Variants in MYT1L observed in about 807,000 individuals in gnomAD.
MYT1L encodes myelin transcription factor 1-like protein.
MYT1L carries 12 observed loss-of-function variants against 126.7 expected under a neutral mutation model. The observed-to-expected ratio is 0.09, with a 90% confidence interval of 0.06 to 0.15. The LOEUF is 0.15. Ranked by LOEUF, MYT1L falls within the 10% of genes least tolerant of loss-of-function variation. The pLI is 1.00. For missense variants in MYT1L, 979 were observed against 1,585.2 expected (o/e 0.62, Z 6.49); for synonymous variants, 541 against 604.2 (o/e 0.90, Z 1.53).
At chr2:2,029,491 C>T (rs956413135) in intron 4 of MYT1L, among the ~76,000 whole-genome samples, 6 of 152,202 alleles carry the variant, frequency 3.9e-5, no homozygotes, top group African/African-American at 1.4e-4. Context: ...ACCACAAGAA[C>T]AGTATGGGGG....
At chr2:2,071,927 G>A (rs1013655349) in intron 3 of MYT1L, among the ~76,000 whole-genome samples, 15 of 152,158 alleles carry the variant, frequency 9.9e-5, no homozygotes, top group African/African-American at 3.4e-4. Flanking sequence ...AGGGAGAGCA[G>A]ATTTTAGTTT....
At chr2:2,211,225 G>A (rs1476233751) in intron 2 of MYT1L, among the ~76,000 whole-genome samples, 1 of 152,128 alleles carries the variant, frequency 6.6e-6, no homozygotes, top group African/African-American at 2.4e-5. Flanking sequence ...AAATCTGAAA[G>A]TTTTTAAGAG....
intron 21 of MYT1L, among the ~76,000 whole-genome samples, chr2:1,817,387 C>T (rs143451406): frequency 5.3e-5 from 8 of 152,216 alleles, no homozygotes; most frequent in African/African-American, 1.7e-4. Context: ...CGGTTCAGCA[C>T]CGGCTTTGCC....
At chr2:1,981,215 T>G (rs1316618067) in intron 5 of MYT1L, among the ~76,000 whole-genome samples, 1 of 152,202 alleles carries the variant, frequency 6.6e-6, no homozygotes. Context: ...GGATGAGTAT[T>G]ATGGTATCGG....
rs149761011 is a variant in MYT1L at position 2,003,948 on chromosome 2, T to C, written c.-157-6601A>G. On this transcript the variant is annotated intron_variant, in intron 4 of 24. Transcript: ENST00000647738. ...ATGCCTTCTTTCCTGCATGAGTTCT[T>C]TCCTGCATGCGTTCTTTCCTGCAGG... 7.7e-3 allele frequency among the ~76,000 whole-genome samples: 1,158 copies of C among 151,180 alleles called. 18 individuals are homozygous for C. Among genetic ancestry groups the C allele is most frequent in the African/African-American group, 0.026 (1,047 of 40,698 alleles).
intron 23 of MYT1L, among the ~76,000 whole-genome samples, chr2:1,799,082 C>T (rs957230286): frequency 3.3e-5 from 5 of 152,202 alleles, no homozygotes; most frequent in Admixed American, 2.6e-4. Context: ...CAGCGCATTC[C>T]CATCCCTTCT....
chr2:2,271,210 A>G (rs1229365137), intron 2 of MYT1L, among the ~76,000 whole-genome samples: 1 of 152,216 alleles, frequency 6.6e-6, no homozygotes, highest in Non-Finnish European at 1.5e-5. Flanking sequence ...AGTGCCAACA[A>G]CATGGATTTT....
At chr2:1,983,774 C>A (rs1221814783) in intron 5 of MYT1L, among the ~76,000 whole-genome samples, 2 of 152,324 alleles carry the variant, frequency 1.3e-5, no homozygotes, top group East Asian at 3.9e-4. Context: ...ACTTACTGAA[C>A]CCGTGAATGG....
intron 2 of MYT1L, among the ~76,000 whole-genome samples, chr2:2,257,604 C>T (rs2094852797): frequency 6.6e-6 from 1 of 152,078 alleles, no homozygotes; most frequent in African/African-American, 2.4e-5. Context: ...AAGAGAGTAG[C>T]CTCAAGGGTT....
At chr2:1,843,327 A>T (rs536361387) in intron 19 of MYT1L, among the ~76,000 whole-genome samples, 3 of 152,180 alleles carry the variant, frequency 2.0e-5, no homozygotes, top group Admixed American at 6.5e-5. Context: ...CCCAATTCCT[A>T]GCCCGACGCC....
chr2:1,792,847 G>A (rs1191939184), intron 23 of MYT1L, among the ~76,000 whole-genome samples: 1 of 125,164 alleles, frequency 8.0e-6, no homozygotes, highest in African/African-American at 2.9e-5. Context: ...TCCAGCCTGG[G>A]TGACAGACCG....
At chr2:2,177,742 A>G (rs1308681562) in intron 2 of MYT1L, among the ~76,000 whole-genome samples, 3 of 152,208 alleles carry the variant, frequency 2.0e-5, no homozygotes, top group Non-Finnish European at 4.4e-5. Context: ...ACTCACTATC[A>G]TGAGAACAGC....
intron 2 of MYT1L, among the ~76,000 whole-genome samples, chr2:2,232,900 G>A (rs1194497448): frequency 1.3e-5 from 2 of 152,104 alleles, no homozygotes; most frequent in Non-Finnish European, 2.9e-5. Flanking sequence ...CCTCTGGGTT[G>A]ATATTTCCAC....
chr2:2,171,625 C>A (rs1052176392), intron 3 of MYT1L, among the ~76,000 whole-genome samples: 2 of 151,882 alleles, frequency 1.3e-5, no homozygotes, highest in Non-Finnish European at 1.5e-5. Context: ...TTGTCGTCGT[C>A]GTTGTTGTTG....
At position 1,839,255 on chromosome 2, in the gene MYT1L, C is replaced by T. The variant is rs754127474; in HGVS notation, c.2974G>A (p.Gly992Ser). Residue 992 changes from glycine to serine, a missense_variant, in exon 21 of 25, where the codon GGC (glycine) becomes AGC (serine). Physicochemically the swap from Gly to Ser is moderately conservative, Grantham distance 56. Coordinates refer to ENST00000647738, the MANE Select transcript of MYT1L (RefSeq NM_001303052.2). ...AKRQKDGYLN[G>S]SQFSWKSVKT... is the part of the protein sequence containing the mutation. The stretch of plus-strand genomic sequence containing the variant: ...ACCGACTTCCAGGAGAACTGGGAGC[C>T]ATTCAGGTACCCGTCTTTCTGCCTC... 3.7e-6 allele frequency: 6 copies of T among 1,613,674 alleles called. No homozygotes were observed. In the African/African-American group the frequency reaches 8.0e-5, roughly 22 times the overall value.
chr2:1,873,216 C>T (rs888892213), intron 18 of MYT1L, among the ~76,000 whole-genome samples: 2 of 152,158 alleles, frequency 1.3e-5, no homozygotes, highest in African/African-American at 2.4e-5. Flanking sequence ...AATATTCAGA[C>T]TATATTTTAA....
At chr2:1,851,612 T>C in intron 19 of MYT1L, 29 bp downstream of exon 19, 1 of 1,603,878 alleles carries the variant, frequency 6.2e-7, no homozygotes, top group Non-Finnish European at 8.5e-7. Flanking sequence ...AAAGAGCATT[T>C]TGGAGAGAAG....
intron 19 of MYT1L, 61 bp from the exon 20 acceptor site, chr2:1,840,904 CTTTT>C (rs1224216473): frequency 8.9e-4 from 663 of 748,442 alleles, no homozygotes; most frequent in Middle Eastern, 1.7e-3. Flanking sequence ...AGCTTTCTTT[CTTTT>C]TTTTTTTTTT....
intron 2 of MYT1L, 23 bp downstream of exon 2, chr2:2,284,381 A>C (rs1015289945): frequency 6.6e-6 from 1 of 152,214 alleles, no homozygotes; most frequent in Non-Finnish European, 1.5e-5. Context: ...TACAACGGTA[A>C]GGTCCCATTG....
Sources: allele counts gnomAD v4.1 joint callset (sites outside exome capture counted in the v4.1 genomes callset), GRCh38; gene constraint gnomAD v4.1.1; transcripts MANE v1.5; gene names NCBI Gene and HGNC (gene_info 2026-07-23, HGNC 2026-07-21).